Variants in CDH26 observed in about 807,000 individuals in gnomAD.
The protein encoded by CDH26 is cadherin 26.
CDH26 carries 83 observed loss-of-function variants against 90.3 expected under a neutral mutation model. That is an observed-to-expected ratio of 0.92 (90% confidence interval 0.77 to 1.10). The LOEUF is 1.10. Ranked by LOEUF, CDH26 falls within the 50% of genes least tolerant of loss-of-function variation. CDH26 has a pLI of 0.00. For synonymous variants in CDH26, 397 were observed against 396.3 expected, an observed-to-expected ratio of 1.00 and a Z score of -0.02; for missense variants, 1,013 against 1,037.6, an observed-to-expected ratio of 0.98 and a Z score of 0.33.
chr20:60,026,760 A>C (rs1442458943), intron 7 of CDH26, among the ~76,000 whole-genome samples: 1 of 152,238 alleles, frequency 6.6e-6, no homozygotes, highest in African/African-American at 2.4e-5. Context: ...GCTGAACTGC[A>C]CTGTGCCCAC....
rs1177971094 is a variant in CDH26, at chr20:60,002,378, G to A, written c.2167-435G>A. The stretch of plus-strand genomic sequence containing the variant: ...ACATGGAACACCCACCATGGCACAG[G>A]GCCTCCCACTCTAAAGAACCTCTGC... On this transcript the variant is annotated intron_variant, in intron 15 of 17. Coordinates refer to ENST00000348616, the MANE Select transcript of CDH26 (RefSeq NM_177980.4). Among the ~76,000 whole-genome samples, 5 of 151,854 alleles carry A rather than the reference G, an allele frequency of 3.3e-5. No individual in the cohort carries two copies. The East Asian group carries it at 1.0e-3, about 31-fold the overall frequency.
At chr20:59,972,881 TTA>T (rs1311190220) in intron 4 of CDH26, among the ~76,000 whole-genome samples, 1 of 152,192 alleles carries the variant, frequency 6.6e-6, no homozygotes, top group Admixed American at 6.5e-5. Flanking sequence ...CTCAAAGTAC[TTA>T]TATACACAAT....
At chr20:59,994,103 G>T in intron 10 of CDH26, 147 bp from the exon 11 acceptor site, 1 of 1,002,464 alleles carries the variant, frequency 1.0e-6, no homozygotes, top group Non-Finnish European at 1.4e-6. Flanking sequence ...AACAGATCAC[G>T]TGCATGCCAG....
intron 7 of CDH26, among the ~76,000 whole-genome samples, chr20:60,028,000 G>A (rs775727128): frequency 2.6e-5 from 4 of 152,182 alleles, no homozygotes; most frequent in Non-Finnish European, 4.4e-5. Context: ...ATCACAACCA[G>A]GACACTGATA....
chr20:59,992,600 C>A lies in CDH26; in HGVS notation c.1426+80C>A. ...GAAAATAACCCTGGTGAGCGTCTTTCAGCACAGCAGAGAAAAGGATAAAAT... is the reference window on the plus strand; with the variant it reads ...GAAAATAACCCTGGTGAGCGTCTTTAAGCACAGCAGAGAAAAGGATAAAAT... On this transcript the variant is annotated intron_variant, in intron 10 of 17. Transcript: ENST00000348616. This position sits in a 1 kb window ranked among gnomAD's most constrained non-coding sequence, Gnocchi z 5.0. 7.2e-7 allele frequency: 1 copy of A among 1,383,580 alleles called. No individual in the cohort carries two copies. The highest frequency in any genetic ancestry group is 1.0e-6 in the Non-Finnish European group (1 of 977,852). The allele number at this position is 1,383,580 out of a possible 1,614,324, so 85.7% of individuals were successfully genotyped here. A position where few individuals can be genotyped will look rare whatever the true frequency, so the allele number is the denominator to read the frequency against.
exon 9 of CDH26, chr20:60,033,763 G>C (rs1004882122): frequency 8.8e-7 from 1 of 1,142,102 alleles, no homozygotes; most frequent in African/African-American, 1.8e-5. Context: ...CAATTATCCA[G>C]GTAGACAAGA....
intron 2 of CDH26, 139 bp from the exon 3 acceptor site, chr20:59,969,943 C>G (rs1232708407): frequency 2.3e-6 from 3 of 1,312,756 alleles, no homozygotes; most frequent in Non-Finnish European, 3.0e-6. Context: ...GTTTTCCAAG[C>G]TTAGGTGGCT....
chr20:59,985,169 C>G (rs762054945), intron 7 of CDH26, 40 bp downstream of exon 7: 1 of 1,610,036 alleles, frequency 6.2e-7, no homozygotes, highest in African/African-American at 1.3e-5. Flanking sequence ...AGCCCCAAAA[C>G]AAGTAGCCCT....
Position 59,991,142 on chromosome 20 carries a change from C to T in CDH26, c.1284-1236C>T, listed in dbSNP as rs148114522. On this transcript the variant is annotated intron_variant, in intron 9 of 17. Transcript: ENST00000348616. The stretch of plus-strand genomic sequence containing the variant: ...GGTCTGGGGTCAGGACTGAGATTTG[C>T]ATTTCTAAGAAGCTCCCAAGGGTGC... 2.8e-3 allele frequency among the ~76,000 whole-genome samples: 432 copies of T among 152,264 alleles called. 5 individuals are homozygous for T. Among genetic ancestry groups the T allele is most frequent in the African/African-American group, 9.4e-3 (392 of 41,544 alleles).
At chr20:59,980,593 C>T (rs194988) in intron 4 of CDH26, among the ~76,000 whole-genome samples, 2,114 of 152,238 alleles carry the variant, frequency 0.014, 47 homozygotes, top group African/African-American at 0.048. Context: ...CCACCACACC[C>T]GGCCATATAT....
At chr20:60,021,849 T>TACACACACACACACACACACACACAC (rs757813328) in intron 7 of CDH26, among the ~76,000 whole-genome samples, 8 of 42,610 alleles carry the variant, frequency 1.9e-4, no homozygotes, top group East Asian at 5.8e-4. Flanking sequence ...TCCTTATCTG[T>TACACACACACACACACACACACACAC]ACACACACAC....
At position 59,995,757 on chromosome 20, in the gene CDH26, G is replaced by A. The variant is rs2061584821; in HGVS notation, c.1667-76G>A. The A allele has an allele frequency of 2.2e-6, 3 of 1,357,380 alleles. No homozygotes were observed. The East Asian group carries it at 6.9e-5, about 31-fold the overall frequency. The allele number at this position is 1,357,380 out of a possible 1,614,324, so 84.1% of individuals were successfully genotyped here. ...TCATACAGAGCTTGGCCCGTGCAGG[G>A]CGTTCAGTAAGCGTGTGTTGAGCAG... On this transcript the variant is annotated intron_variant, in intron 11 of 17. Transcript: ENST00000348616.
downstream of CDH26, among the ~76,000 whole-genome samples, chr20:60,034,277 G>A (rs1445805115): frequency 6.6e-6 from 1 of 152,206 alleles, no homozygotes; most frequent in Non-Finnish European, 1.5e-5. Context: ...GGAAGGCAAT[G>A]TCCCTCTGCC....
intron 7 of CDH26, 70 bp downstream of exon 7, chr20:59,985,199 T>C (rs1228057001): frequency 7.6e-6 from 12 of 1,577,472 alleles, no homozygotes; most frequent in Non-Finnish European, 1.0e-5. Context: ...GGCTCAGTTT[T>C]TCTCAGAGAG....
In CDH26 at chr20:59,958,764, T is replaced by G; in HGVS notation, c.38T>G (p.Leu13Arg). 1 of 1,614,126 alleles carries G rather than the reference T, an allele frequency of 6.2e-7. No individual in the cohort carries two copies. The highest frequency in any genetic ancestry group is 8.5e-7 in the Non-Finnish European group (1 of 1,179,990). The stretch of plus-strand genomic sequence containing the variant: ...TCCGGGAGGCACCCCTCGCTGCTGC[T>G]GCTTCTAGTGCTGCTGCTGTGGCTG... ...MRSGRHPSLL[L>R]LLVLLLWLLQ... The change falls in exon 1 of 18, where the codon CTG becomes CGG. Residue 13 changes from leucine to arginine, a missense_variant. Leu to Arg is a moderately radical substitution (Grantham distance 102, BLOSUM62 -2). Transcript: ENST00000348616.
At chr20:59,990,533 G>A (rs2061515306) in intron 9 of CDH26, among the ~76,000 whole-genome samples, 1 of 152,126 alleles carries the variant, frequency 6.6e-6, no homozygotes, top group African/African-American at 2.4e-5. Context: ...TTATCTGTTG[G>A]GAATGGCTAG....
At chr20:59,980,891 G>A (rs1329517719) in intron 4 of CDH26, among the ~76,000 whole-genome samples, 1 of 151,896 alleles carries the variant, frequency 6.6e-6, no homozygotes, top group Non-Finnish European at 1.5e-5. Context: ...TGTTTTACAT[G>A]TATGTCTGTG....
At chr20:59,973,043 C>T (rs865990520) in intron 4 of CDH26, among the ~76,000 whole-genome samples, 4 of 152,156 alleles carry the variant, frequency 2.6e-5, no homozygotes, top group African/African-American at 9.7e-5. Flanking sequence ...GTGCAGAATT[C>T]ACAGTGTCTG....
chr20:60,032,808 T>C (rs938381800), intron 8 of CDH26, among the ~76,000 whole-genome samples: 2 of 126,990 alleles, frequency 1.6e-5, no homozygotes, highest in African/African-American at 3.1e-5. Context: ...TGAGAACACA[T>C]GGACACAGGA....
Sources: allele counts gnomAD v4.1 joint callset (sites outside exome capture counted in the v4.1 genomes callset), GRCh38; gene constraint gnomAD v4.1.1; non-coding constraint Gnocchi (gnomAD v3.1); transcripts MANE v1.5; gene names NCBI Gene and HGNC (gene_info 2026-07-23, HGNC 2026-07-21).